Variants in ZMAT3 observed in about 807,000 individuals in gnomAD.
ZMAT3 encodes zinc finger matrin-type protein 3.
ZMAT3 carries 17 observed loss-of-function variants against 32.3 expected under a neutral mutation model. That is an observed-to-expected ratio of 0.53 (90% CI 0.36 to 0.79). The LOEUF is 0.79. Among genes scored for constraint, ZMAT3 ranks in the 30% least tolerant of loss-of-function variants. The pLI is 0.00. For missense variants in ZMAT3, 329 were observed against 359.7 expected (o/e 0.91, Z 0.69); for synonymous variants, 120 against 133.1 (o/e 0.90, Z 0.68).
rs142955862 is a variant in ZMAT3 at position 179,029,931 on chromosome 3, C to T, written c.390+949G>A. 4.4e-3 allele frequency among the ~76,000 whole-genome samples: 670 copies of T among 152,296 alleles called. 5 individuals carry two copies. The highest frequency in any genetic ancestry group is 0.015 in the African/African-American group (614 of 41,548). On this transcript the variant is annotated intron_variant, in intron 3 of 5. Coordinates refer to ENST00000311417, the MANE Select transcript of ZMAT3 (RefSeq NM_022470.4). ...ATAGTCCCAGCCCTGACTGAAACAA[C>T]GTATGAAACATGCTCAGCACAGTGC...
chr3:179,033,406 T>A (rs1346890947), intron 2 of ZMAT3, among the ~76,000 whole-genome samples: 1 of 151,990 alleles, frequency 6.6e-6, no homozygotes, highest in African/African-American at 2.4e-5. Context: ...TCTGTTCACG[T>A]GTTTATCTGC....
chr3:179,069,574 T>C (rs1721603591), intron 1 of ZMAT3, among the ~76,000 whole-genome samples: 1 of 152,146 alleles, frequency 6.6e-6, no homozygotes, highest in South Asian at 2.1e-4. Flanking sequence ...ATGGCAATAA[T>C]AGAATTACTA....
intron 2 of ZMAT3, among the ~76,000 whole-genome samples, chr3:179,037,051 C>G (rs1719633138): frequency 6.6e-6 from 1 of 152,190 alleles, no homozygotes; most frequent in African/African-American, 2.4e-5. Context: ...TCTTGGGCCC[C>G]CTCTCTGCTG....
Position 179,027,685 on chromosome 3 carries a change from T to C in ZMAT3, c.518A>G (p.Lys173Arg), listed in dbSNP as rs1318756874. Residue 173 changes from lysine to arginine, a missense_variant, in exon 4 of 6, where the codon AAG becomes AGG. Physicochemically the swap from Lys to Arg is conservative, Grantham distance 26 (BLOSUM62 2). Transcript: ENST00000311417. The stretch of plus-strand genomic sequence containing the variant: ...CTGAGCTTCCGCCAGCCGCAGCCTC[T>C]TGGCATGATTCTTCCCTTGATAGTG... ...QAHYQGKNHA[K>R]RLRLAEAQSN... 1 of 1,614,232 alleles carries C rather than the reference T, an allele frequency of 6.2e-7. No individual in the cohort carries two copies. The highest frequency in any genetic ancestry group is 2.2e-5 in the East Asian group (1 of 44,884).
chr3:179,039,030 G>T (rs1402399056), intron 2 of ZMAT3, among the ~76,000 whole-genome samples: 1 of 152,234 alleles, frequency 6.6e-6, no homozygotes, highest in Non-Finnish European at 1.5e-5. Flanking sequence ...CATTGCTGAG[G>T]CTTGAGTAGG....
chr3:179,027,856 A>G (rs1192831675), intron 3 of ZMAT3, 44 bp from the exon 4 acceptor site: 1 of 1,562,764 alleles, frequency 6.4e-7, no homozygotes, highest in Admixed American at 2.0e-5. Flanking sequence ...AAAAAAATAC[A>G]GAGTTTCCTC....
intron 2 of ZMAT3, among the ~76,000 whole-genome samples, chr3:179,039,880 C>A (rs972477126): frequency 2.6e-5 from 4 of 152,090 alleles, no homozygotes; most frequent in African/African-American, 9.7e-5. Flanking sequence ...TAGAGAAGAC[C>A]TTAAATGACT....
At chr3:179,057,298 T>C (rs1161376027) in intron 2 of ZMAT3, among the ~76,000 whole-genome samples, 2 of 152,174 alleles carry the variant, frequency 1.3e-5, no homozygotes, top group East Asian at 3.9e-4. Flanking sequence ...TACTCTGCTT[T>C]CCCAAATACC....
intron 1 of ZMAT3, among the ~76,000 whole-genome samples, chr3:179,070,365 CCAAA>C (rs1386507445): frequency 1.3e-5 from 2 of 152,164 alleles, no homozygotes; most frequent in Admixed American, 1.3e-4. Flanking sequence ...AAAATTCTTG[CCAAA>C]CACAGATTTA....
chr3:179,067,910 T>C, intron 1 of ZMAT3, 101 bp from the exon 2 acceptor site: 1 of 1,139,032 alleles, frequency 8.8e-7, no homozygotes. Context: ...TTTCTTCTAC[T>C]TCTCCAAACC....
Position 179,024,877 on chromosome 3 carries a change from T to G in ZMAT3, c.*140A>C. 1 of 561,308 alleles carries G rather than the reference T, an allele frequency of 1.8e-6. No homozygotes were observed. The highest frequency in any genetic ancestry group is 4.3e-5 in the East Asian group (1 of 23,228). The allele number at this position is 561,308 out of a possible 1,614,324, so 34.8% of individuals were successfully genotyped here. A position where few individuals can be genotyped will look rare whatever the true frequency, so the allele number is the denominator to read the frequency against. ...GCCCCCGGGCCCCCAGGTTTTGACA[T>G]CTCATGGTACCACTGTGGGTTACAT... On this transcript the variant is annotated 3_prime_UTR_variant, in exon 6 of 6. Transcript: ENST00000311417.
At chr3:179,054,337 A>G (rs1395725741) in intron 2 of ZMAT3, among the ~76,000 whole-genome samples, 2 of 152,188 alleles carry the variant, frequency 1.3e-5, no homozygotes, top group African/African-American at 4.8e-5. Flanking sequence ...AGGGTTAGGA[A>G]ATGTTTTCGA....
chr3:179,044,082 G>A (rs1720096133), intron 2 of ZMAT3, among the ~76,000 whole-genome samples: 1 of 152,270 alleles, frequency 6.6e-6, no homozygotes, highest in Non-Finnish European at 1.5e-5. Context: ...AACAAATGCT[G>A]GAGAGGATGT....
intron 2 of ZMAT3, among the ~76,000 whole-genome samples, chr3:179,040,271 A>C (rs976504802): frequency 6.6e-6 from 1 of 152,202 alleles, no homozygotes; most frequent in African/African-American, 2.4e-5. Context: ...ACCCCAAGAC[A>C]TGTAATTGTC....
At chr3:179,031,605 T>G (rs1016618591) in intron 2 of ZMAT3, among the ~76,000 whole-genome samples, 24 of 152,068 alleles carry the variant, frequency 1.6e-4, no homozygotes, top group African/African-American at 5.3e-4. Context: ...TTCCTGTATG[T>G]TTCTTAAAAA....
At chr3:179,055,119 AG>A (rs1162192638) in intron 2 of ZMAT3, among the ~76,000 whole-genome samples, 2 of 152,248 alleles carry the variant, frequency 1.3e-5, no homozygotes, top group African/African-American at 4.8e-5. Context: ...GCAACCACAA[AG>A]GGACCTCCAA....
At chr3:179,051,729 A>G (rs948928450) in intron 2 of ZMAT3, among the ~76,000 whole-genome samples, 4 of 152,242 alleles carry the variant, frequency 2.6e-5, no homozygotes, top group African/African-American at 9.6e-5. Context: ...AAGCAAGACT[A>G]AGCAAAAAGA....
chr3:179,039,919 C>G (rs1719824476), intron 2 of ZMAT3, among the ~76,000 whole-genome samples: 1 of 152,046 alleles, frequency 6.6e-6, no homozygotes, highest in Non-Finnish European at 1.5e-5. Context: ...GGCATGGGAA[C>G]TTCGTGACAC....
intron 2 of ZMAT3, among the ~76,000 whole-genome samples, chr3:179,045,352 T>C (rs1283162740): frequency 6.6e-6 from 1 of 152,124 alleles, no homozygotes; most frequent in Non-Finnish European, 1.5e-5. Flanking sequence ...AGAAGTATTG[T>C]TTGTAACAGC....
Sources: allele counts gnomAD v4.1 joint callset (sites outside exome capture counted in the v4.1 genomes callset), GRCh38; gene constraint gnomAD v4.1.1; transcripts MANE v1.5; gene names NCBI Gene and HGNC (gene_info 2026-07-23, HGNC 2026-07-21).